Variants in NAALADL1 observed in about 807,000 individuals in gnomAD.
NAALADL1 encodes the protein aminopeptidase NAALADL1.
In NAALADL1, 77 loss-of-function variants were observed where a neutral mutation model predicts 82.8. The observed-to-expected ratio is 0.93, with a 90% CI of 0.77 to 1.12. The LOEUF is 1.12. Among genes scored for constraint, NAALADL1 ranks in the 50% most tolerant of loss-of-function variants. NAALADL1 has a pLI of 0.00. For synonymous variants in NAALADL1, 358 were observed against 399.2 expected (o/e 0.90, Z 1.23); for missense variants, 956 against 964.0 (o/e 0.99, Z 0.11).
At chr11:65,046,567 A>C in intron 13 of NAALADL1, 41 bp from the exon 14 acceptor site, 1 of 1,596,128 alleles carries the variant, frequency 6.3e-7, no homozygotes, top group East Asian at 2.2e-5. Flanking sequence ...TTGGGATGGG[A>C]AGTGGGAGAA....
At chr11:65,050,659 G>T (rs908126555) in intron 8 of NAALADL1, among the ~76,000 whole-genome samples, 1 of 151,728 alleles carries the variant, frequency 6.6e-6, no homozygotes, top group African/African-American at 2.4e-5. Flanking sequence ...GCGTGGTGGC[G>T]CATGCCTGTA....
upstream of NAALADL1, among the ~76,000 whole-genome samples, chr11:65,060,904 C>A (rs1199899300): frequency 6.6e-6 from 1 of 152,084 alleles, no homozygotes; most frequent in Non-Finnish European, 1.5e-5. Flanking sequence ...GGTCTTCAAT[C>A]CTCCAGGACC....
At chr11:65,057,825 G>C (rs1213984239) in intron 3 of NAALADL1, 50 bp downstream of exon 3, 1 of 1,607,062 alleles carries the variant, frequency 6.2e-7, no homozygotes, top group Non-Finnish European at 8.5e-7. Flanking sequence ...AGAACCCTGG[G>C]TGGAACCAAG....
chr11:65,059,432 G>T (rs1455636187), upstream of NAALADL1, among the ~76,000 whole-genome samples: 1 of 152,202 alleles, frequency 6.6e-6, no homozygotes, highest in South Asian at 2.1e-4. Context: ...AAAATGTAAG[G>T]CCTAGAGCTA....
chr11:65,047,628 C>G lies in NAALADL1; in HGVS notation c.1508+19G>C. The G allele has an allele frequency of 6.3e-7, 1 of 1,593,942 alleles. No homozygotes were observed. The highest frequency in any genetic ancestry group is 2.3e-5 in the East Asian group (1 of 44,086). On this transcript the variant is annotated intron_variant, in intron 12 of 17. Coordinates refer to ENST00000358658, the MANE Select transcript of NAALADL1 (RefSeq NM_005468.3). ...GCCGGACCGCCTCGCTCCGGGCCCC[C>G]TTCTGTCCCTGGGCTTACCTGGGGA...
At chr11:65,047,421 G>A in intron 13 of NAALADL1, 54 bp downstream of exon 13, 5 of 1,454,772 alleles carry the variant, frequency 3.4e-6, no homozygotes, top group Middle Eastern at 1.9e-4. Flanking sequence ...ACAAAGAGAG[G>A]AGGGGGCGCA....
rs754761175 is a variant in NAALADL1 at position 65,048,281 on chromosome 11, A to G, written c.1284+19T>C. 81 of 1,613,900 alleles carry G rather than the reference A, an allele frequency of 5.0e-5. No homozygotes were observed. The East Asian group carries it at 1.7e-3, about 34-fold the overall frequency. The stretch of plus-strand genomic sequence containing the variant: ...TCCTGGGAACCCCTTTCGATCCCCT[A>G]CCCTGTAGGGCCACTCACTTCTGTG... On this transcript the variant is annotated intron_variant, in intron 9 of 17. Transcript: ENST00000358658.
intron 1 of NAALADL1, 36 bp downstream of exon 1, chr11:65,058,301 C>T (rs1947104619): frequency 1.2e-6 from 2 of 1,613,896 alleles, no homozygotes; most frequent in Admixed American, 3.3e-5. Context: ...GAGGGGGCCT[C>T]TGGCAAACGG....
intron 4 of NAALADL1, among the ~76,000 whole-genome samples, chr11:65,055,870 TCTTATTATGGACAC>T (rs1199464279): frequency 6.6e-6 from 1 of 151,304 alleles, no homozygotes; most frequent in Admixed American, 6.6e-5. Context: ...TTTTCCCAGC[TCTTATTATGGACAC>T]CTTTTTTTTT....
Position 65,045,830 on chromosome 11 carries a change from G to T in NAALADL1, c.2028C>A (p.Arg676=). ...FLNPRAFPEE[R]YYSHVLWAPR... is the part of the protein sequence containing the mutation. The stretch of plus-strand genomic sequence containing the variant: ...CTCTGGGACAGACTCACCTGTAGTA[G>T]CGTTCCTCTGGGAAGGCTCTAGGGT... The change falls in exon 17 of 18, where the codon CGC becomes CGA. Residue 676 remains arginine, a synonymous_variant. Coordinates refer to ENST00000358658, the MANE Select transcript of NAALADL1 (RefSeq NM_005468.3). 1 of 1,614,004 alleles carries T rather than the reference G, an allele frequency of 6.2e-7. No homozygotes were observed. Among genetic ancestry groups the T allele is most frequent in the South Asian group, 1.1e-5 (1 of 91,056 alleles).
At chr11:65,059,344 G>A (rs572710327), upstream of NAALADL1, among the ~76,000 whole-genome samples, 46 of 152,328 alleles carry the variant, frequency 3.0e-4, no homozygotes, top group African/African-American at 1.1e-3. Context: ...TATGGCATCT[G>A]TAGAAATAGC....
Position 65,053,432 on chromosome 11 carries a change from A to G in NAALADL1, c.1078+59T>C. ...GTGGCAAGGGCAGGGCTGGATGAGG[A>G]CAGCGGCATCCAGAGCAGAGCAGGG... On this transcript the variant is annotated intron_variant, in intron 7 of 17. Coordinates refer to ENST00000358658, the MANE Select transcript of NAALADL1 (RefSeq NM_005468.3). This position sits in a 1 kb window ranked among gnomAD's most constrained non-coding sequence, Gnocchi z 4.3. 1 of 1,611,270 alleles carries G rather than the reference A, an allele frequency of 6.2e-7. No individual in the cohort carries two copies. The highest frequency in any genetic ancestry group is 1.7e-4 in the Middle Eastern group (1 of 6,060).
upstream of NAALADL1, among the ~76,000 whole-genome samples, chr11:65,060,608 A>AT (rs1397169096): frequency 2.0e-5 from 3 of 152,166 alleles, no homozygotes; most frequent in Non-Finnish European, 4.4e-5. Flanking sequence ...CATCTGAGTG[A>AT]TAACACCTGG....
At chr11:65,050,434 C>T (rs1341270424) in intron 8 of NAALADL1, among the ~76,000 whole-genome samples, 4 of 150,230 alleles carry the variant, frequency 2.7e-5, no homozygotes, top group Admixed American at 6.6e-5. Flanking sequence ...GCCGAGATGG[C>T]GCCACTGCAC....
chr11:65,054,603 C>G lies in NAALADL1; in HGVS notation c.739G>C (p.Gly247Arg), dbSNP rs370672538. 3.1e-6 allele frequency: 5 copies of G among 1,613,706 alleles called. No individual in the cohort carries two copies. The highest frequency in any genetic ancestry group is 4.2e-6 in the Non-Finnish European group (5 of 1,179,856). The change falls in exon 5 of 18, where the codon GGC becomes CGC. Residue 247 changes from glycine (G) to arginine (R), a missense_variant. By Grantham distance (125) the Gly-to-Arg change is moderately radical. Coordinates refer to ENST00000358658, the MANE Select transcript of NAALADL1 (RefSeq NM_005468.3). The surrounding 1 kb of genome is among the most constrained non-coding windows in gnomAD (Gnocchi z 4.3). ...TCCCCAAAATACTCGTAGTAGGAGC[C>G]TCGCTCCACTCCTGAGGGGGGCAGG... ...WYLPPSGVERGSYYEYFGDPL... is the reference protein window; with the variant it reads ...WYLPPSGVERRSYYEYFGDPL...
At position 65,045,195 on chromosome 11, in the gene NAALADL1, G is replaced by A. The variant is rs1173212461; in HGVS notation, c.*76C>T. 6.6e-7 allele frequency: 1 copy of A among 1,503,836 alleles called. No individual in the cohort carries two copies. Among genetic ancestry groups the A allele is most frequent in the East Asian group, 2.4e-5 (1 of 42,550 alleles). 93.2% of individuals were successfully genotyped at this position (1,503,836 alleles called of 1,614,324 possible). A position where few individuals can be genotyped will look rare whatever the true frequency, so the allele number is the denominator to read the frequency against. On this transcript the variant is annotated 3_prime_UTR_variant, in exon 18 of 18. Coordinates refer to ENST00000358658, the MANE Select transcript of NAALADL1 (RefSeq NM_005468.3). Reference sequence around the variant, plus strand: ...TGGTAGTGCCCTCTTCTGGCACCAAGGAAGACCAGGACATCTCAGGAAAGC... The same window carrying A: ...TGGTAGTGCCCTCTTCTGGCACCAAAGAAGACCAGGACATCTCAGGAAAGC...
upstream of NAALADL1, among the ~76,000 whole-genome samples, chr11:65,061,161 C>A (rs1012469509): frequency 6.6e-6 from 1 of 152,208 alleles, no homozygotes; most frequent in Non-Finnish European, 1.5e-5. Flanking sequence ...TGCAGAGTCA[C>A]GTGGCCTCCC....
intron 8 of NAALADL1, among the ~76,000 whole-genome samples, chr11:65,049,862 C>T (rs183580839): frequency 6.6e-6 from 1 of 152,112 alleles, no homozygotes; most frequent in Admixed American, 6.5e-5. Flanking sequence ...CAGAGTGAGA[C>T]CCTGTCTCAA....
chr11:65,057,852 A>G (rs1386528588), intron 3 of NAALADL1, 23 bp downstream of exon 3: 2 of 1,612,452 alleles, frequency 1.2e-6, no homozygotes, highest in Non-Finnish European at 1.7e-6. Flanking sequence ...GGGCCAGAGC[A>G]GTAGGGGGGG....
Sources: gnomAD v4.1 joint callset for allele counts (sites outside exome capture counted in the v4.1 genomes callset) on GRCh38, gnomAD v4.1.1 for gene constraint, Gnocchi (gnomAD v3.1) non-coding constraint, MANE v1.5 for transcripts, NCBI Gene and HGNC (gene_info 2026-07-23, HGNC 2026-07-21) for gene names.